The following EPHA7 variants were observed in gnomAD, a reference collection of about 807,000 sequenced individuals.
The protein encoded by EPHA7 is ephrin type-A receptor 7.
Under a neutral mutation model 112.6 loss-of-function variants are expected in EPHA7, and 25 were observed. The observed-to-expected ratio is 0.22, with a 90% CI of 0.16 to 0.31. The LOEUF is 0.31. Ranked by LOEUF, EPHA7 falls within the 10% of genes least tolerant of loss-of-function variation. The probability of loss-of-function intolerance (pLI) is 1.00; values close to 1 mark genes in which losing one functional copy is unlikely to be tolerated. For synonymous variants in EPHA7, 437 were observed against 406.5 expected (o/e 1.07, Z -0.90); for missense variants, 962 against 1,212.6 (o/e 0.79, Z 3.07).
chr6:93,339,734 T>C (rs1775050422), intron 5 of EPHA7, among the ~76,000 whole-genome samples: 1 of 151,818 alleles, frequency 6.6e-6, no homozygotes, highest in Non-Finnish European at 1.5e-5. Flanking sequence ...ATATATTTAT[T>C]GACTATGTAA....
chr6:93,256,936 G>A (rs572636287), intron 12 of EPHA7, among the ~76,000 whole-genome samples: 7 of 151,902 alleles, frequency 4.6e-5, no homozygotes, highest in Non-Finnish European at 1.0e-4. Flanking sequence ...AAGCCTCTGA[G>A]AATAAAAATA....
rs985765462 is a variant in EPHA7 at position 93,333,145 on chromosome 6, C to T, written c.1324+23572G>A. Among the ~76,000 whole-genome samples, 4 of 151,728 alleles carry T rather than the reference C, an allele frequency of 2.6e-5. No homozygotes were observed. In the Admixed American group the frequency reaches 2.6e-4, roughly 10 times the overall value. ...GTGAGAACATGTACCATTTGGTTTTCTTTTCCTGCATTAATTTGTTTAGGA... is the reference window on the plus strand; with the variant it reads ...GTGAGAACATGTACCATTTGGTTTTTTTTTCCTGCATTAATTTGTTTAGGA... On this transcript the variant is annotated intron_variant, in intron 5 of 16. Transcript: ENST00000369303.
intron 1 of EPHA7, 100 bp from the exon 2 acceptor site, chr6:93,414,867 ACTT>A: frequency 2.3e-6 from 2 of 879,994 alleles, no homozygotes; most frequent in Non-Finnish European, 3.6e-6. Context: ...TCACTATATG[ACTT>A]AAGATCTGTA....
chr6:93,339,877 C>T (rs1003376024), intron 5 of EPHA7, among the ~76,000 whole-genome samples: 10 of 151,662 alleles, frequency 6.6e-5, no homozygotes, highest in Admixed American at 2.6e-4. Context: ...AAACTGGACC[C>T]TATTTATTTA....
intron 5 of EPHA7, among the ~76,000 whole-genome samples, chr6:93,347,856 A>G (rs753761085): frequency 6.6e-6 from 1 of 151,896 alleles, no homozygotes; most frequent in Non-Finnish European, 1.5e-5. Context: ...TCACAGCAGT[A>G]GAATAACTGG....
At chr6:93,344,063 T>C (rs1342158329) in intron 5 of EPHA7, among the ~76,000 whole-genome samples, 2 of 151,560 alleles carry the variant, frequency 1.3e-5, no homozygotes, top group Admixed American at 6.6e-5. Context: ...AAGTACATGA[T>C]ATGGGACATA....
intron 3 of EPHA7, among the ~76,000 whole-genome samples, chr6:93,388,512 TAGGC>T (rs1181608612): frequency 6.6e-6 from 1 of 152,158 alleles, no homozygotes; most frequent in African/African-American, 2.4e-5. Context: ...TTAGGTGAGT[TAGGC>T]AGGGTGCTAT....
At chr6:93,401,586 TTAC>T (rs1778441552) in intron 3 of EPHA7, among the ~76,000 whole-genome samples, 1 of 152,088 alleles carries the variant, frequency 6.6e-6, no homozygotes. Context: ...TTGAGTTGTT[TTAC>T]TACCAGATTA....
At chr6:93,340,118 C>A (rs536893543) in intron 5 of EPHA7, among the ~76,000 whole-genome samples, 3 of 151,794 alleles carry the variant, frequency 2.0e-5, no homozygotes, top group Admixed American at 1.3e-4. Flanking sequence ...TATGTCAATA[C>A]TATATAAACA....
intron 3 of EPHA7, among the ~76,000 whole-genome samples, chr6:93,379,252 A>T (rs1055906415): frequency 6.6e-6 from 1 of 152,070 alleles, no homozygotes. Context: ...AGAAAAATTA[A>T]AAATTTGAAT....
chr6:93,334,557 T>G (rs1363278571), intron 5 of EPHA7, among the ~76,000 whole-genome samples: 3 of 151,966 alleles, frequency 2.0e-5, no homozygotes, highest in Non-Finnish European at 2.9e-5. Context: ...CTAAAGATAA[T>G]TCTCTAACCA....
intron 3 of EPHA7, among the ~76,000 whole-genome samples, chr6:93,375,062 T>C (rs1776985933): frequency 6.6e-6 from 1 of 152,138 alleles, no homozygotes; most frequent in African/African-American, 2.4e-5. Flanking sequence ...AGAAATTCCT[T>C]TAATAATTTC....
intron 5 of EPHA7, among the ~76,000 whole-genome samples, chr6:93,327,598 T>A (rs951870252): frequency 6.6e-6 from 1 of 151,536 alleles, no homozygotes; most frequent in Admixed American, 6.6e-5. Context: ...AGTTATTTCA[T>A]CTTTTCAAAA....
intron 5 of EPHA7, among the ~76,000 whole-genome samples, chr6:93,327,943 A>G (rs1196388575): frequency 1.3e-5 from 2 of 151,496 alleles, no homozygotes; most frequent in Non-Finnish European, 3.0e-5. Context: ...AGTGGTTATA[A>G]TGACTTGCAA....
intron 3 of EPHA7, among the ~76,000 whole-genome samples, chr6:93,383,582 T>C (rs1777456228): frequency 6.6e-6 from 1 of 152,140 alleles, no homozygotes; most frequent in Non-Finnish European, 1.5e-5. Context: ...TGTAATATCT[T>C]AGGCAATAAT....
intron 3 of EPHA7, among the ~76,000 whole-genome samples, chr6:93,406,677 C>G (rs1778736828): frequency 1.3e-5 from 2 of 151,884 alleles, no homozygotes; most frequent in Non-Finnish European, 2.9e-5. Context: ...ATGAATGTGA[C>G]TGTTCAGTAT....
Position 93,408,283 on chromosome 6 carries a change from T to C in EPHA7, c.832+2218A>G, listed in dbSNP as rs376135780. Among the ~76,000 whole-genome samples, 28 of 152,242 alleles carry C rather than the reference T, an allele frequency of 1.8e-4. No individual in the cohort carries two copies. In the South Asian group the frequency reaches 5.2e-3, roughly 28 times the overall value. On this transcript the variant is annotated intron_variant, in intron 3 of 16. Transcript: ENST00000369303. ...TCCTTTCATAGCTAAAGTGCAATAA[T>C]GTTCCTAAAATTTTTTGTAACAGTT... is the stretch of plus-strand genomic sequence containing the variant.
intron 5 of EPHA7, among the ~76,000 whole-genome samples, chr6:93,318,498 T>C (rs1281644810): frequency 6.6e-6 from 1 of 152,130 alleles, no homozygotes; most frequent in Non-Finnish European, 1.5e-5. Flanking sequence ...CAATAAATTA[T>C]GCATTTTAAC....
chr6:93,256,110 T>C (rs1425389707), intron 12 of EPHA7, 73 bp from the exon 13 acceptor site: 3 of 1,351,394 alleles, frequency 2.2e-6, no homozygotes, highest in East Asian at 4.6e-5. Context: ...ATGAAAAATA[T>C]CTGCGTGCTA....
Sources: gnomAD v4.1 joint callset for allele counts (sites outside exome capture counted in the v4.1 genomes callset) on GRCh38, gnomAD v4.1.1 for gene constraint, MANE v1.5 for transcripts, NCBI Gene and HGNC (gene_info 2026-07-23, HGNC 2026-07-21) for gene names.